MACROD2: variants seen among roughly 807,000 people sequenced by gnomAD.
The protein encoded by MACROD2 is mono-ADP ribosylhydrolase 2.
MACROD2 carries 36 observed loss-of-function variants against 70.4 expected under a neutral mutation model. That is an observed-to-expected ratio of 0.51 (90% CI 0.39 to 0.68). MACROD2 has a LOEUF of 0.68. MACROD2 is among the 30% of genes least tolerant of loss of function. MACROD2 has a pLI of 0.00. For synonymous variants in MACROD2, 172 were observed against 178.8 expected (o/e 0.96, Z 0.30); for missense variants, 496 against 538.4 (o/e 0.92, Z 0.78).
intron 2 of MACROD2, among the ~76,000 whole-genome samples, chr20:14,045,772 A>AT (rs1002660750): frequency 6.6e-6 from 1 of 152,154 alleles, no homozygotes; most frequent in Non-Finnish European, 1.5e-5. Flanking sequence ...ATTAAAAGGG[A>AT]GGGGGGAATT....
chr20:14,322,018 A>G (rs1242999345), intron 3 of MACROD2, among the ~76,000 whole-genome samples: 1 of 150,352 alleles, frequency 6.7e-6, no homozygotes, highest in African/African-American at 2.4e-5. Context: ...GTTATATGCT[A>G]TATATTCAGA....
At chr20:14,744,233 C>T (rs562798997) in intron 5 of MACROD2, among the ~76,000 whole-genome samples, 4 of 152,220 alleles carry the variant, frequency 2.6e-5, no homozygotes, top group African/African-American at 4.8e-5. Flanking sequence ...GCTGCATGGG[C>T]ATAGGATGGA....
At chr20:15,886,408 T>C (rs1351513627) in intron 10 of MACROD2, among the ~76,000 whole-genome samples, 1 of 152,162 alleles carries the variant, frequency 6.6e-6, no homozygotes, top group Non-Finnish European at 1.5e-5. Context: ...GACATTCCAT[T>C]GCATCACTCC....
At chr20:15,710,786 C>T (rs1444796265) in intron 8 of MACROD2, among the ~76,000 whole-genome samples, 1 of 152,138 alleles carries the variant, frequency 6.6e-6, no homozygotes, top group African/African-American at 2.4e-5. Flanking sequence ...CGGAAATTGT[C>T]CCAACGAGAT....
At chr20:14,547,222 A>G (rs937861099) in intron 4 of MACROD2, 1 of 576,304 alleles carries the variant, frequency 1.7e-6, no homozygotes, top group Non-Finnish European at 2.4e-6. Context: ...TGCTGCATCA[A>G]CTGGCTCCAT....
At chr20:14,345,098 T>C (rs2083050525) in intron 3 of MACROD2, among the ~76,000 whole-genome samples, 1 of 152,240 alleles carries the variant, frequency 6.6e-6, no homozygotes, top group South Asian at 2.1e-4. Context: ...CCAAAAATCC[T>C]AGTTTGACAG....
chr20:15,551,705 CAAAAAATAAAAACTTA>C (rs1716919563), intron 8 of MACROD2, among the ~76,000 whole-genome samples: 2 of 151,722 alleles, frequency 1.3e-5, no homozygotes, highest in African/African-American at 2.4e-5. Flanking sequence ...CCCGTCTCTA[CAAAAAATAAAAACTTA>C]GCCGGATGTG....
At chr20:16,034,155 A>G (rs1248175931) in intron 15 of MACROD2, among the ~76,000 whole-genome samples, 1 of 152,050 alleles carries the variant, frequency 6.6e-6, no homozygotes, top group Admixed American at 6.6e-5. Context: ...CAAGGACTGG[A>G]ATGCTTTTTT....
intron 2 of MACROD2, among the ~76,000 whole-genome samples, chr20:14,064,824 C>T (rs1017554841): frequency 4.0e-5 from 6 of 151,814 alleles, no homozygotes; most frequent in East Asian, 1.9e-4. Context: ...GCTGTTAATA[C>T]GATACTAAAT....
intron 5 of MACROD2, among the ~76,000 whole-genome samples, chr20:14,812,775 T>C (rs2122180327): frequency 6.6e-6 from 1 of 152,182 alleles, no homozygotes; most frequent in African/African-American, 2.4e-5. Flanking sequence ...TGATCAGTTC[T>C]CTAGCAGACA....
intron 5 of MACROD2, among the ~76,000 whole-genome samples, chr20:15,119,815 G>A (rs1307842395): frequency 5.3e-5 from 8 of 152,208 alleles, no homozygotes; most frequent in Admixed American, 5.2e-4. Flanking sequence ...GCTAATATAT[G>A]CAGACTAATG....
chr20:15,698,366 G>T lies in MACROD2; in HGVS notation c.646-164379G>T, dbSNP rs190314110. 2.0e-5 allele frequency among the ~76,000 whole-genome samples: 3 copies of T among 152,236 alleles called. No individual in the cohort carries two copies. The East Asian group carries it at 5.8e-4, about 29-fold the overall frequency. On this transcript the variant is annotated intron_variant, in intron 8 of 17. Coordinates refer to ENST00000684519, the MANE Select transcript of MACROD2 (RefSeq NM_001351661.2). ...TTCCCTGGATACAAAATTCTTGACT[G>T]ATAATTGTTTTGTTTAAAGAGGCTG...
chr20:14,610,712 T>G (rs184652693), intron 4 of MACROD2, among the ~76,000 whole-genome samples: 14 of 152,210 alleles, frequency 9.2e-5, no homozygotes, highest in African/African-American at 3.4e-4. Context: ...TAGCATTGTA[T>G]GAGGGTTTTT....
chr20:15,181,114 C>T (rs115450034), intron 5 of MACROD2, among the ~76,000 whole-genome samples: 4,575 of 152,188 alleles, frequency 0.03, 229 homozygotes, highest in African/African-American at 0.11. Context: ...CTACAGCTGG[C>T]CCTGCAGAAC....
At chr20:14,573,064 T>TA (rs397774607) in intron 4 of MACROD2, among the ~76,000 whole-genome samples, 1 of 151,438 alleles carries the variant, frequency 6.6e-6, no homozygotes, top group Non-Finnish European at 1.5e-5. Context: ...GCCTTTTTTT[T>TA]CCCTTTTGCA....
intron 17 of MACROD2, among the ~76,000 whole-genome samples, chr20:16,045,133 G>A (rs1441476600): frequency 1.3e-5 from 2 of 152,194 alleles, no homozygotes; most frequent in African/African-American, 2.4e-5. Context: ...ACTACCTGTG[G>A]ACCCGTGCGT....
chr20:15,241,465 A>G (rs1298317162), intron 6 of MACROD2, among the ~76,000 whole-genome samples: 1 of 152,176 alleles, frequency 6.6e-6, no homozygotes, highest in Non-Finnish European at 1.5e-5. Context: ...ATCTTTAAAA[A>G]GCTAAGAAGG....
At chr20:14,369,397 A>G (rs529671790) in intron 3 of MACROD2, among the ~76,000 whole-genome samples, 1 of 152,310 alleles carries the variant, frequency 6.6e-6, no homozygotes, top group Admixed American at 6.5e-5. Flanking sequence ...CAAGCCAAGG[A>G]GAGAGTTGGA....
intron 6 of MACROD2, among the ~76,000 whole-genome samples, chr20:15,381,835 G>A (rs1405024789): frequency 6.6e-6 from 1 of 152,164 alleles, no homozygotes; most frequent in Non-Finnish European, 1.5e-5. Context: ...ATTAGGCACA[G>A]GGTGAATTTA....
Sources: allele counts gnomAD v4.1 joint callset (sites outside exome capture counted in the v4.1 genomes callset), GRCh38; gene constraint gnomAD v4.1.1; transcripts MANE v1.5; gene names NCBI Gene and HGNC (gene_info 2026-07-23, HGNC 2026-07-21).